The following CDH12 variants were observed in gnomAD, a reference collection of about 807,000 sequenced individuals.
CDH12 encodes the protein cadherin 12.
CDH12 carries 41 observed loss-of-function variants against 74.1 expected under a neutral mutation model. That is an observed-to-expected ratio of 0.55 (90% CI 0.43 to 0.72). CDH12 has a LOEUF of 0.72. Ranked by LOEUF, CDH12 falls within the 30% of genes least tolerant of loss-of-function variation. The probability of loss-of-function intolerance (pLI) is 0.00; values close to 1 mark genes in which losing one functional copy is unlikely to be tolerated. For synonymous variants in CDH12, 399 were observed against 355.0 expected (o/e 1.12, Z -1.39); for missense variants, 945 against 977.2 (o/e 0.97, Z 0.44).
intron 1 of CDH12, among the ~76,000 whole-genome samples, chr5:22,506,790 C>T (rs1197230617): frequency 6.6e-6 from 1 of 152,166 alleles, no homozygotes; most frequent in South Asian, 2.1e-4. Context: ...GTCTCTATAT[C>T]TATCAATCTG....
chr5:21,757,122 A>C (rs561585354), intron 13 of CDH12, among the ~76,000 whole-genome samples: 2 of 152,238 alleles, frequency 1.3e-5, no homozygotes, highest in South Asian at 2.1e-4. Flanking sequence ...GGTATTCTTG[A>C]ACTCAATGTA....
intron 4 of CDH12, among the ~76,000 whole-genome samples, chr5:22,088,401 G>A (rs1743202197): frequency 6.6e-6 from 1 of 151,994 alleles, no homozygotes; most frequent in South Asian, 2.1e-4. Flanking sequence ...CAAGCATACT[G>A]GGACCTCCTC....
chr5:21,996,514 C>T (rs187352072), intron 5 of CDH12, among the ~76,000 whole-genome samples: 1 of 152,206 alleles, frequency 6.6e-6, no homozygotes, highest in East Asian at 1.9e-4. Context: ...AGTGATTTCC[C>T]CAATATCTTC....
chr5:22,760,120 C>G (rs1427536521), intron 1 of CDH12, among the ~76,000 whole-genome samples: 1 of 152,182 alleles, frequency 6.6e-6, no homozygotes, highest in Non-Finnish European at 1.5e-5. Flanking sequence ...TTAACCATTG[C>G]ATCCTTTGTA....
intron 1 of CDH12, among the ~76,000 whole-genome samples, chr5:22,635,149 T>C (rs1042382431): frequency 2.0e-5 from 3 of 152,114 alleles, no homozygotes; most frequent in Non-Finnish European, 4.4e-5. Flanking sequence ...AGAATAGACA[T>C]AGAGAACAAA....
At chr5:22,574,063 GTC>G (rs1440373190) in intron 1 of CDH12, among the ~76,000 whole-genome samples, 1 of 141,948 alleles carries the variant, frequency 7.0e-6, no homozygotes, top group Non-Finnish European at 1.5e-5. Context: ...ACTTTTCTCT[GTC>G]TCTCTCTCTT....
At chr5:22,113,350 C>A (rs1046081689) in intron 4 of CDH12, among the ~76,000 whole-genome samples, 2 of 152,036 alleles carry the variant, frequency 1.3e-5, no homozygotes, top group African/African-American at 4.8e-5. Flanking sequence ...AAAAGTCTAG[C>A]ACCTTTTCAA....
chr5:21,910,451 AAAAG>A (rs1429568327), intron 6 of CDH12, among the ~76,000 whole-genome samples: 5 of 152,074 alleles, frequency 3.3e-5, no homozygotes, highest in Non-Finnish European at 7.4e-5. Context: ...CAGCCACTGT[AAAAG>A]AAAGAAACTG....
chr5:22,203,582 C>T (rs1280942643), intron 4 of CDH12, among the ~76,000 whole-genome samples: 2 of 152,184 alleles, frequency 1.3e-5, no homozygotes, highest in African/African-American at 4.8e-5. Context: ...CTTTGACATA[C>T]TGATGTTATT....
intron 3 of CDH12, among the ~76,000 whole-genome samples, chr5:22,334,529 A>C (rs545862849): frequency 2.6e-5 from 4 of 152,294 alleles, no homozygotes; most frequent in Non-Finnish European, 5.9e-5. Flanking sequence ...GGGAAATACA[A>C]AAGACCCAGA....
intron 3 of CDH12, among the ~76,000 whole-genome samples, chr5:22,272,917 C>A (rs1459593089): frequency 6.6e-6 from 1 of 152,162 alleles, no homozygotes; most frequent in Admixed American, 6.5e-5. Flanking sequence ...ACAATCATGG[C>A]AGAAGGGGAA....
At chr5:22,326,054 A>G (rs753495709) in intron 3 of CDH12, among the ~76,000 whole-genome samples, 1 of 152,200 alleles carries the variant, frequency 6.6e-6, no homozygotes, top group African/African-American at 2.4e-5. Context: ...TAAGAGGTCA[A>G]TATCATATAT....
chr5:22,194,794 C>A (rs557079226), intron 4 of CDH12, among the ~76,000 whole-genome samples: 1 of 152,292 alleles, frequency 6.6e-6, no homozygotes, highest in East Asian at 1.9e-4. Context: ...GCAATGGGGA[C>A]CACGGGCATA....
rs796437639 is a variant in CDH12, at chr5:22,213,360, G to A, written c.-332-717C>T. Among the ~76,000 whole-genome samples, 13 of 151,844 alleles carry A rather than the reference G, an allele frequency of 8.6e-5. No individual in the cohort carries two copies. In the East Asian group the frequency reaches 1.8e-3, roughly 20 times the overall value. Reference sequence around the variant, plus strand: ...GTTTTCCAAACGGCATTTTCAATTAGCATTACACTTGCAAAAAATGTTTGC... The same window carrying A: ...GTTTTCCAAACGGCATTTTCAATTAACATTACACTTGCAAAAAATGTTTGC... On this transcript the variant is annotated intron_variant, in intron 3 of 14. Transcript: ENST00000382254.
chr5:22,570,418 G>T (rs540389812), intron 1 of CDH12, among the ~76,000 whole-genome samples: 20 of 152,110 alleles, frequency 1.3e-4, no homozygotes, highest in Non-Finnish European at 2.8e-4. Context: ...GCTACAGAAA[G>T]GATGCTGTGT....
intron 7 of CDH12, among the ~76,000 whole-genome samples, chr5:21,843,026 T>C (rs1282771205): frequency 6.6e-6 from 1 of 152,186 alleles, no homozygotes; most frequent in Non-Finnish European, 1.5e-5. Flanking sequence ...CATGTACATA[T>C]TTACATATTG....
chr5:22,358,967 G>A (rs1397936864), intron 3 of CDH12, among the ~76,000 whole-genome samples: 1 of 152,176 alleles, frequency 6.6e-6, no homozygotes, highest in African/African-American at 2.4e-5. Flanking sequence ...ACCAGCCACT[G>A]CAAAAACATG....
intron 1 of CDH12, among the ~76,000 whole-genome samples, chr5:22,754,714 A>G (rs568037319): frequency 6.6e-6 from 1 of 152,298 alleles, no homozygotes; most frequent in Non-Finnish European, 1.5e-5. Context: ...AATGAGTGGT[A>G]AGATTTTAGA....
chr5:22,353,534 T>C (rs1425240678), intron 3 of CDH12, among the ~76,000 whole-genome samples: 1 of 152,136 alleles, frequency 6.6e-6, no homozygotes, highest in Non-Finnish European at 1.5e-5. Flanking sequence ...ATCTCTAAAA[T>C]TGACATTTTT....
Sources: allele counts gnomAD v4.1 joint callset (sites outside exome capture counted in the v4.1 genomes callset), GRCh38; gene constraint gnomAD v4.1.1; transcripts MANE v1.5; gene names NCBI Gene and HGNC (gene_info 2026-07-23, HGNC 2026-07-21).